Variants in GPHN observed in about 807,000 individuals in gnomAD.
The protein encoded by GPHN is gephyrin.
In GPHN, 17 loss-of-function variants were observed where a neutral mutation model predicts 95.5. The ratio of observed to expected loss-of-function variants is 0.18; its 90% confidence interval spans 0.12 to 0.27. The LOEUF (loss-of-function observed/expected upper bound fraction) is 0.27, where lower values mean the gene tolerates loss of function less well. GPHN is among the 10% of genes least tolerant of loss of function. The pLI, the probability that GPHN is intolerant of heterozygous loss-of-function variation, is 1.00. For synonymous variants in GPHN, 320 were observed against 322.5 expected (o/e 0.99, Z 0.08); for missense variants, 660 against 978.1 (o/e 0.67, Z 4.34).
At chr14:67,691,146 G>A in the GPHN span, 1 of 1,609,944 alleles carries the variant, frequency 6.2e-7, no homozygotes, top group East Asian at 2.2e-5. Flanking sequence ...TTACCCAAGT[G>A]GTTGACTCCT....
At chr14:67,204,257 T>C in the GPHN span, among the ~76,000 whole-genome samples, 2 of 152,054 alleles carry the variant, frequency 1.3e-5, no homozygotes, top group Non-Finnish European at 2.9e-5. Context: ...AGCAACATGG[T>C]GAAACCTTGT....
intron 1 of GPHN, among the ~76,000 whole-genome samples, chr14:66,657,760 TA>T (rs919279306): frequency 2.1e-4 from 32 of 152,010 alleles, no homozygotes; most frequent in African/African-American, 7.7e-4. Flanking sequence ...AAAAATAGAT[TA>T]AAAAAAATAC....
At chr14:67,192,616 C>A in the GPHN span, among the ~76,000 whole-genome samples, 1 of 151,558 alleles carries the variant, frequency 6.6e-6, no homozygotes, top group Non-Finnish European at 1.5e-5. Flanking sequence ...ATTTCTTAAG[C>A]ATCAGTTTAA....
the GPHN span, among the ~76,000 whole-genome samples, chr14:67,611,759 A>G: frequency 2.6e-5 from 4 of 152,080 alleles, no homozygotes; most frequent in Admixed American, 1.3e-4. Flanking sequence ...ATGGAAGACA[A>G]TTTTTCCACA....
chr14:66,826,398 C>T (rs148504977), intron 4 of GPHN, among the ~76,000 whole-genome samples: 28 of 152,178 alleles, frequency 1.8e-4, no homozygotes, highest in African/African-American at 6.5e-4. Context: ...AAATGTCCTT[C>T]TTTTTATTTC....
intron 2 of GPHN, among the ~76,000 whole-genome samples, chr14:66,698,079 T>G (rs2068235498): frequency 6.6e-6 from 1 of 152,220 alleles, no homozygotes; most frequent in Non-Finnish European, 1.5e-5. Flanking sequence ...AATAAATATT[T>G]ATTAAATGAC....
chr14:67,580,778 TG>T, the GPHN span: 1 of 581,634 alleles, frequency 1.7e-6, no homozygotes. Flanking sequence ...GCTGCCACCT[TG>T]GGTCCAGGAA....
chr14:66,924,411 T>G, intron 8 of GPHN, 119 bp downstream of exon 8: 1 of 713,374 alleles, frequency 1.4e-6, no homozygotes. Flanking sequence ...TTTTCAGCCT[T>G]GCTTTCTTGT....
At chr14:66,766,448 C>T (rs1210344287) in intron 2 of GPHN, among the ~76,000 whole-genome samples, 4 of 152,094 alleles carry the variant, frequency 2.6e-5, no homozygotes, top group Non-Finnish European at 5.9e-5. Flanking sequence ...TTACTAGTTA[C>T]TCATTGCATT....
the GPHN span, among the ~76,000 whole-genome samples, chr14:67,674,055 A>G: frequency 4.5e-4 from 69 of 152,358 alleles, no homozygotes; most frequent in Non-Finnish European, 4.1e-4. Flanking sequence ...CATAAAACAA[A>G]CAAAAACAGC....
At chr14:67,482,650 G>T in the GPHN span, among the ~76,000 whole-genome samples, 1 of 152,174 alleles carries the variant, frequency 6.6e-6, no homozygotes, top group Non-Finnish European at 1.5e-5. Context: ...GAAGATAAGT[G>T]GCTTCAATGA....
the GPHN span, among the ~76,000 whole-genome samples, chr14:67,516,611 T>C: frequency 1.4e-5 from 2 of 139,598 alleles, no homozygotes; most frequent in Non-Finnish European, 3.2e-5. Flanking sequence ...AACCCTAATC[T>C]GATCCTGTGT....
At chr14:67,418,322 T>C in the GPHN span, among the ~76,000 whole-genome samples, 1 of 152,226 alleles carries the variant, frequency 6.6e-6, no homozygotes, top group Admixed American at 6.5e-5. Context: ...CACAGTCTTC[T>C]TTGGCTAAAT....
intron 1 of GPHN, among the ~76,000 whole-genome samples, chr14:66,577,615 C>T (rs1033622872): frequency 7.2e-5 from 11 of 152,242 alleles, no homozygotes; most frequent in African/African-American, 2.6e-4. Flanking sequence ...AAAATGAATA[C>T]ATATGCAATC....
At chr14:67,419,265 C>A in the GPHN span, among the ~76,000 whole-genome samples, 1 of 152,068 alleles carries the variant, frequency 6.6e-6, no homozygotes, top group African/African-American at 2.4e-5. Context: ...TGTCTGAGGA[C>A]CCCCCAGCAC....
the GPHN span, among the ~76,000 whole-genome samples, chr14:67,530,008 T>C: frequency 2.6e-5 from 4 of 152,064 alleles, no homozygotes; most frequent in African/African-American, 9.7e-5. Context: ...AGAAAGCAGG[T>C]AGGGATGGGA....
the GPHN span, among the ~76,000 whole-genome samples, chr14:67,544,000 T>C: frequency 2.0e-5 from 3 of 152,092 alleles, no homozygotes; most frequent in Admixed American, 2.0e-4. Context: ...AAGTTAGAGT[T>C]TTAATATCTG....
At chr14:66,957,883 G>T (rs564096243) in intron 8 of GPHN, among the ~76,000 whole-genome samples, 3 of 152,128 alleles carry the variant, frequency 2.0e-5, no homozygotes, top group African/African-American at 7.2e-5. Flanking sequence ...TCTCATAGGA[G>T]CATGAATGCA....
intron 2 of GPHN, among the ~76,000 whole-genome samples, chr14:66,727,244 C>CTTAAG (rs199702670): frequency 0.027 from 4,129 of 152,318 alleles, 79 homozygotes; most frequent in Non-Finnish European, 0.038. Context: ...ACGTGGAACT[C>CTTAAG]TTAAGTCCAT....
Sources: allele counts gnomAD v4.1 joint callset (sites outside exome capture counted in the v4.1 genomes callset), GRCh38; gene constraint gnomAD v4.1.1; transcripts MANE v1.5; gene names NCBI Gene and HGNC (gene_info 2026-07-23, HGNC 2026-07-21).